Variants in TESK1 observed in about 807,000 individuals in gnomAD.
The protein encoded by TESK1 is dual specificity testis-specific protein kinase 1.
TESK1 carries 18 observed loss-of-function variants against 59.9 expected under a neutral mutation model. That is an observed-to-expected ratio of 0.30 (90% CI 0.21 to 0.45). TESK1 has a LOEUF of 0.45. TESK1 is among the 20% of genes least tolerant of loss of function. The probability of loss-of-function intolerance (pLI) is 1.00; values close to 1 mark genes in which losing one functional copy is unlikely to be tolerated. For missense variants in TESK1, 748 were observed against 840.9 expected (o/e 0.89, Z 1.37); for synonymous variants, 341 against 357.4 (o/e 0.95, Z 0.52).
In TESK1 at chr9:35,607,286, A is replaced by G; in HGVS notation, c.538-41A>G. The G allele has an allele frequency of 6.2e-7, 1 of 1,610,176 alleles. No homozygotes were observed. Among genetic ancestry groups the G allele is most frequent in the South Asian group, 1.1e-5 (1 of 91,016 alleles). Reference sequence around the variant, plus strand: ...ATACATTGGGAGGCCAGACAGCAGAAGGTGATGAGTGCGTGGGGATACTAT... The same window carrying G: ...ATACATTGGGAGGCCAGACAGCAGAGGGTGATGAGTGCGTGGGGATACTAT... On this transcript the variant is annotated intron_variant, in intron 4 of 9. Transcript: ENST00000336395. This position sits in a 1 kb window ranked among gnomAD's most constrained non-coding sequence, Gnocchi z 4.5.
At chr9:35,606,420 C>T (rs1444081882) in intron 3 of TESK1, 135 bp downstream of exon 3, 1 of 1,082,084 alleles carries the variant, frequency 9.2e-7, no homozygotes, top group East Asian at 2.5e-5. Context: ...CTTTCCTGAA[C>T]TTTCCTTTAG....
At chr9:35,605,959 C>T in intron 1 of TESK1, 25 bp from the exon 2 acceptor site, 1 of 1,612,512 alleles carries the variant, frequency 6.2e-7, no homozygotes, top group East Asian at 2.2e-5. Flanking sequence ...CCTGCCCGGC[C>T]CTCGCCGGCT....
rs1402839512 is a variant in TESK1, at chr9:35,607,647, T to TA, written c.687dup (p.Arg230ThrfsTer3). The TA allele has an allele frequency of 6.2e-7, 1 of 1,613,888 alleles. No homozygotes were observed. Among genetic ancestry groups the TA allele is most frequent in the Non-Finnish European group, 8.5e-7 (1 of 1,179,946 alleles). On this transcript the variant is annotated frameshift_variant, in exon 6 of 10. Transcript: ENST00000336395. LOFTEE classifies it high-confidence loss of function. This position sits in a 1 kb window ranked among gnomAD's most constrained non-coding sequence, Gnocchi z 4.5. ...CCATACTGGATGGCTCCAGAGGTGT[T>TA]ACGGGGTGAGCTGTATGATGAGAAG...
In TESK1 at chr9:35,607,329, C is replaced by A; in HGVS notation, c.540C>A (p.Asn180Lys). ...GATACTATGTGTGTGTGTGTCAGAA[C>A]TGTCTAGTCCGACGGGAAGATCGAG... is the stretch of plus-strand genomic sequence containing the variant. ...GVFHRDLTSK[N>K]CLVRREDRGF... Residue 180 changes from asparagine to lysine, a missense_variant and splice_region_variant, in exon 5 of 10, where the codon AAC becomes AAA. By Grantham distance (94) the Asn-to-Lys change is moderately conservative. Around this residue, in one of 3 missense-constraint regions of TESK1, gnomAD observed 168 missense variants for 257.4 expected, o/e 0.65. Transcript: ENST00000336395. This position sits in a 1 kb window ranked among gnomAD's most constrained non-coding sequence, Gnocchi z 4.5. The A allele has an allele frequency of 6.2e-7, 1 of 1,614,158 alleles. No homozygotes were observed. Among genetic ancestry groups the A allele is most frequent in the Non-Finnish European group, 8.5e-7 (1 of 1,180,012 alleles).
Position 35,608,490 on chromosome 9 carries a change from C to T in TESK1, c.981C>T (p.Thr327=), listed in dbSNP as rs778080835. Reference sequence around the variant, plus strand: ...CTGAGCCAGCCCCACTCACCAGGACCGCCCTGACACACAATCAGGGTAAGG... The same window carrying T: ...CTGAGCCAGCCCCACTCACCAGGACTGCCCTGACACACAATCAGGGTAAGG... ...QLPEPAPLTR[T]ALTHNQGSVA... is the part of the protein sequence containing the mutation. The change falls in exon 9 of 10, where the codon ACC becomes ACT. Residue 327 remains threonine, a synonymous_variant. Coordinates refer to ENST00000336395, the MANE Select transcript of TESK1 (RefSeq NM_006285.3). 3.4e-5 allele frequency: 55 copies of T among 1,613,982 alleles called. No individual in the cohort carries two copies. The highest frequency in any genetic ancestry group is 3.1e-4 in the South Asian group (28 of 91,078).
At position 35,607,006 on chromosome 9, in the gene TESK1, G is replaced by C. The variant is rs558164074; in HGVS notation, c.537+23G>C. Reference sequence around the variant, plus strand: ...AAGGTAGGCTAGCAGGGTGGGTGGAGACATGAAAGAGGGTTTGAGGCTATT... The same window carrying C: ...AAGGTAGGCTAGCAGGGTGGGTGGACACATGAAAGAGGGTTTGAGGCTATT... On this transcript the variant is annotated intron_variant, in intron 4 of 9. Coordinates refer to ENST00000336395, the MANE Select transcript of TESK1 (RefSeq NM_006285.3). This position sits in a 1 kb window ranked among gnomAD's most constrained non-coding sequence, Gnocchi z 4.5. 9 of 1,559,514 alleles carry C rather than the reference G, an allele frequency of 5.8e-6. No homozygotes were observed. The Middle Eastern group carries it at 6.8e-4, about 118-fold the overall frequency.
At position 35,608,435 on chromosome 9, in the gene TESK1, A is replaced by AGCACCT; in HGVS notation, c.928_933dup (p.His310_Leu311dup). The AGCACCT allele has an allele frequency of 6.2e-7, 1 of 1,614,062 alleles. No individual in the cohort carries two copies. Among genetic ancestry groups the AGCACCT allele is most frequent in the Non-Finnish European group, 8.5e-7 (1 of 1,179,998 alleles). On this transcript the variant is annotated inframe_insertion, in exon 9 of 10. Transcript: ENST00000336395. ...CGTGCCCCCTTCACCGAAATTACCC[A>AGCACCT]GCACCTGGAATGGATCCTGGAGCAG...
intron 2 of TESK1, 42 bp from the exon 3 acceptor site, chr9:35,606,195 C>A: frequency 1.2e-6 from 2 of 1,614,124 alleles, no homozygotes. Context: ...GGAGCTGAGG[C>A]CTTTAATAGC....
Position 35,608,977 on chromosome 9 carries a change from G to A in TESK1, c.1116G>A (p.Gly372=), listed in dbSNP as rs565052679. The A allele has an allele frequency of 6.1e-5, 98 of 1,614,172 alleles. 1 individual carries two copies. In the South Asian group the frequency reaches 9.6e-4, roughly 16 times the overall value. Residue 372 remains glycine (G), a synonymous_variant, in exon 10 of 10, where the codon GGG becomes GGA. Transcript: ENST00000336395. ...CACCAGAATCACCCCCCAACTGGGGGGACAATCTGACTCGAGTCAACCCCT... is the reference window on the plus strand; with the variant it reads ...CACCAGAATCACCCCCCAACTGGGGAGACAATCTGACTCGAGTCAACCCCT... ...PPSPESPPNW[G]DNLTRVNPFS...
In TESK1 at chr9:35,607,745, C is replaced by A; in HGVS notation, c.711+73C>A. 1 of 1,418,006 alleles carries A rather than the reference C, an allele frequency of 7.1e-7. No individual in the cohort carries two copies. The highest frequency in any genetic ancestry group is 9.8e-7 in the Non-Finnish European group (1 of 1,015,352). 87.8% of individuals were successfully genotyped at this position (1,418,006 alleles called of 1,614,324 possible). A position where few individuals can be genotyped will look rare whatever the true frequency, so the allele number is the denominator to read the frequency against. On this transcript the variant is annotated intron_variant, in intron 6 of 9. Coordinates refer to ENST00000336395, the MANE Select transcript of TESK1 (RefSeq NM_006285.3). The surrounding 1 kb of genome is among the most constrained non-coding windows in gnomAD (Gnocchi z 4.5). ...GGTATTCTCATAAAGCCCCATCCAT[C>A]CCCAAAACAACCCTACCAGATCTTC...
chr9:35,605,863 G>A (rs1822836658), intron 1 of TESK1, 25 bp downstream of exon 1: 1 of 1,608,344 alleles, frequency 6.2e-7, no homozygotes, highest in Non-Finnish European at 8.5e-7. Flanking sequence ...GAGGGCAGAG[G>A]GGCGGGACCG....
chr9:35,606,341 G>A, intron 3 of TESK1, 56 bp downstream of exon 3: 1 of 1,603,924 alleles, frequency 6.2e-7, no homozygotes. Context: ...CAAGGATAAA[G>A]GGAGTCAACA....
chr9:35,607,119 A>G lies in TESK1; in HGVS notation c.537+136A>G. On this transcript the variant is annotated intron_variant, in intron 4 of 9. Transcript: ENST00000336395. The surrounding 1 kb of genome is among the most constrained non-coding windows in gnomAD (Gnocchi z 4.5). ...GCAAGGCATTGGAGAATATTGGGGG[A>G]CCAGGGTGAGGGGAGTGCTCGGAGG... 1.5e-6 allele frequency: 2 copies of G among 1,356,390 alleles called. No homozygotes were observed. Among genetic ancestry groups the G allele is most frequent in the Non-Finnish European group, 2.0e-6 (2 of 1,003,684 alleles). 84.0% of individuals were successfully genotyped at this position (1,356,390 alleles called of 1,614,324 possible). A position where few individuals can be genotyped will look rare whatever the true frequency, so the allele number is the denominator to read the frequency against.
chr9:35,605,769 C>T lies in TESK1; in HGVS notation c.150C>T (p.Ser50=). ...SYRALRSAVS[S]LARVDDFHCA... Reference sequence around the variant, plus strand: ...GGGCTCTCCGCAGCGCCGTGTCTAGCCTGGCGCGTGTGGACGATTTTCACT... The same window carrying T: ...GGGCTCTCCGCAGCGCCGTGTCTAGTCTGGCGCGTGTGGACGATTTTCACT... Residue 50 remains serine (S), a synonymous_variant, in exon 1 of 10, where the codon AGC becomes AGT. Coordinates refer to ENST00000336395, the MANE Select transcript of TESK1 (RefSeq NM_006285.3). The T allele has an allele frequency of 1.2e-6, 2 of 1,610,144 alleles. No individual in the cohort carries two copies. Among genetic ancestry groups the T allele is most frequent in the Admixed American group, 1.7e-5 (1 of 59,840 alleles).
rs1190558231 is a variant in TESK1, at chr9:35,607,415, A to G, written c.620+6A>G. 3 of 1,614,072 alleles carry G rather than the reference A, an allele frequency of 1.9e-6. No individual in the cohort carries two copies. Among genetic ancestry groups the G allele is most frequent in the South Asian group, 1.1e-5 (1 of 91,076 alleles). ...GAAAAGATTCCTGTGTATAGGTGAG[A>G]TGAATGTCCCTGTTCCCCCCAAATC... On this transcript the variant is annotated splice_donor_region_variant and intron_variant, in intron 5 of 9. Coordinates refer to ENST00000336395, the MANE Select transcript of TESK1 (RefSeq NM_006285.3). This position sits in a 1 kb window ranked among gnomAD's most constrained non-coding sequence, Gnocchi z 4.5.
In TESK1 at chr9:35,609,187, C is replaced by T. The variant is rs960351531; in HGVS notation, c.1326C>T (p.Pro442=). Residue 442 remains proline, a synonymous_variant, in exon 10 of 10, where the codon CCC becomes CCT. Coordinates refer to ENST00000336395, the MANE Select transcript of TESK1 (RefSeq NM_006285.3). The surrounding 1 kb of genome is among the most constrained non-coding windows in gnomAD (Gnocchi z 6.7). ...ARRCRSLPSS[P]ELPRRMETAL... ...GCTGCCGCTCACTACCCTCATCCCCCGAGCTCCCCCGCCGTATGGAGACAG... is the reference window on the plus strand; with the variant it reads ...GCTGCCGCTCACTACCCTCATCCCCTGAGCTCCCCCGCCGTATGGAGACAG... 1.4e-5 allele frequency: 23 copies of T among 1,613,502 alleles called. No individual in the cohort carries two copies. Among genetic ancestry groups the T allele is most frequent in the Middle Eastern group, 1.6e-4 (1 of 6,084 alleles).
Position 35,606,045 on chromosome 9 carries a change from G to A in TESK1, c.281G>A (p.Arg94Gln), listed in dbSNP as rs750343091. 1.2e-6 allele frequency: 2 copies of A among 1,614,046 alleles called. No homozygotes were observed. The highest frequency in any genetic ancestry group is 1.3e-5 in the African/African-American group (1 of 74,938). ...AAGATGAACAAGCTCCCCAGTAACC[G>A]GGGCAACACACTACGGGAAGTGCAG... ...VLKMNKLPSN[R>Q]GNTLREVQLM... Residue 94 changes from arginine to glutamine, a missense_variant, in exon 2 of 10, where the codon CGG (arginine) becomes CAG (glutamine). Coordinates refer to ENST00000336395, the MANE Select transcript of TESK1 (RefSeq NM_006285.3).
rs1334422237 is a variant in TESK1 at position 35,607,928 on chromosome 9, G to A, written c.712G>A (p.Ala238Thr). 6.2e-7 allele frequency: 1 copy of A among 1,613,996 alleles called. No individual in the cohort carries two copies. Among genetic ancestry groups the A allele is most frequent in the African/African-American group, 1.3e-5 (1 of 75,022 alleles). The stretch of plus-strand genomic sequence containing the variant: ...CGACACTATTATCTCTGACCCCCAG[G>A]CTGATGTCTTTGCCTTCGGGATTGT... ...VLRGELYDEKADVFAFGIVLC... is the reference protein window; with the variant it reads ...VLRGELYDEKTDVFAFGIVLC... Residue 238 changes from alanine to threonine, a missense_variant and splice_region_variant, in exon 7 of 10, where the codon GCT (alanine) becomes ACT (threonine). Ala to Thr is a moderately conservative substitution (Grantham distance 58). Around this residue, in one of 3 missense-constraint regions of TESK1, gnomAD observed 168 missense variants for 257.4 expected, o/e 0.65. Coordinates refer to ENST00000336395, the MANE Select transcript of TESK1 (RefSeq NM_006285.3). The surrounding 1 kb of genome is among the most constrained non-coding windows in gnomAD (Gnocchi z 4.5).
Position 35,608,381 on chromosome 9 carries a change from T to A in TESK1, c.886-14T>A, listed in dbSNP as rs1450004228. 6 of 1,613,452 alleles carry A rather than the reference T, an allele frequency of 3.7e-6. No homozygotes were observed. Among genetic ancestry groups the A allele is most frequent in the Non-Finnish European group, 5.1e-6 (6 of 1,179,424 alleles). ...GGAGCACTGAGTGAAGCCGTTCCTG[T>A]CTCTACCCATCAGCTGGAACCCAGC... On this transcript the variant is annotated splice_polypyrimidine_tract_variant and intron_variant, in intron 8 of 9. Coordinates refer to ENST00000336395, the MANE Select transcript of TESK1 (RefSeq NM_006285.3).
Sources: allele counts gnomAD v4.1 joint callset, GRCh38; gene constraint gnomAD v4.1.1; regional missense constraint gnomAD v4.1.1; non-coding constraint Gnocchi (gnomAD v3.1); transcripts MANE v1.5; gene names NCBI Gene and HGNC (gene_info 2026-07-23, HGNC 2026-07-21).